The following LSAMP variants were observed in gnomAD, a reference collection of about 807,000 sequenced individuals.
LSAMP encodes the protein limbic system associated membrane protein.
In LSAMP, 7 loss-of-function variants were observed where a neutral mutation model predicts 38.6. That is an observed-to-expected ratio of 0.18 (90% CI 0.10 to 0.34). LSAMP has a LOEUF of 0.34. Among genes scored for constraint, LSAMP ranks in the 10% least tolerant of loss-of-function variants. The pLI is 1.00. For missense variants in LSAMP, 313 were observed against 420.0 expected (o/e 0.75, Z 2.23); for synonymous variants, 154 against 166.8 (o/e 0.92, Z 0.59).
At chr3:116,280,308 A>G (rs2047111729) in intron 1 of LSAMP, among the ~76,000 whole-genome samples, 1 of 152,222 alleles carries the variant, frequency 6.6e-6, no homozygotes, top group Non-Finnish European at 1.5e-5. Flanking sequence ...TGAGCAATGA[A>G]GCGTCTCAGG....
At chr3:116,241,158 C>T (rs1222345759) in intron 1 of LSAMP, among the ~76,000 whole-genome samples, 1 of 146,990 alleles carries the variant, frequency 6.8e-6, no homozygotes, top group Non-Finnish European at 1.5e-5. Context: ...GCCTGGGTAA[C>T]AAGTGTGAAA....
chr3:116,350,871 G>A (rs1255093714), intron 1 of LSAMP, among the ~76,000 whole-genome samples: 1 of 151,982 alleles, frequency 6.6e-6, no homozygotes, highest in Non-Finnish European at 1.5e-5. Context: ...ACTTTAAACT[G>A]TAAAAGTTAT....
At position 116,379,813 on chromosome 3, in the gene LSAMP, T is replaced by G. The variant is rs557296066; in HGVS notation, c.155+65064A>C. 3.3e-5 allele frequency among the ~76,000 whole-genome samples: 5 copies of G among 152,096 alleles called. No homozygotes were observed. The South Asian group carries it at 1.0e-3, about 32-fold the overall frequency. ...AACAAGCAAGAGAAATAGTCAGACA[T>G]GGATGACCTGATAAAAGACGCTTAC... On this transcript the variant is annotated intron_variant, in intron 1 of 6. Transcript: ENST00000490035.
At chr3:116,036,083 G>A (rs546208706) in intron 2 of LSAMP, among the ~76,000 whole-genome samples, 2 of 152,306 alleles carry the variant, frequency 1.3e-5, no homozygotes, top group African/African-American at 2.4e-5. Context: ...CAAGAAATAA[G>A]TCATGAGAAC....
intron 3 of LSAMP, among the ~76,000 whole-genome samples, chr3:115,881,069 T>TAAATAAATAAATAAAA (rs1288382993): frequency 1.4e-4 from 21 of 151,722 alleles, no homozygotes; most frequent in South Asian, 6.2e-4. Flanking sequence ...AATAAATAAA[T>TAAATAAATAAATAAAA]AAAATACTGT....
chr3:116,187,917 T>C (rs1710660029), intron 1 of LSAMP, among the ~76,000 whole-genome samples: 1 of 152,074 alleles, frequency 6.6e-6, no homozygotes, highest in South Asian at 2.1e-4. Flanking sequence ...TACCCATTAG[T>C]TATTTTTCCT....
chr3:115,961,104 G>A (rs116729682), intron 3 of LSAMP, among the ~76,000 whole-genome samples: 261 of 152,352 alleles, frequency 1.7e-3, no homozygotes, highest in African/African-American at 6.0e-3. Flanking sequence ...AGAGGCAAAT[G>A]CTATTTCAGA....
At chr3:116,092,586 T>C (rs951929923) in intron 1 of LSAMP, among the ~76,000 whole-genome samples, 2 of 152,164 alleles carry the variant, frequency 1.3e-5, no homozygotes, top group Non-Finnish European at 2.9e-5. Flanking sequence ...GTATATTTGA[T>C]TCCATAAAAC....
intron 1 of LSAMP, among the ~76,000 whole-genome samples, chr3:116,255,404 G>T (rs1338484018): frequency 6.6e-6 from 1 of 152,146 alleles, no homozygotes; most frequent in African/African-American, 2.4e-5. Flanking sequence ...AAAGTCTTTG[G>T]TTAGAGCAGA....
intron 3 of LSAMP, among the ~76,000 whole-genome samples, chr3:116,011,890 T>C (rs1940337534): frequency 6.6e-6 from 1 of 152,164 alleles, no homozygotes; most frequent in African/African-American, 2.4e-5. Context: ...TGGGTACATA[T>C]CTTGATTCAT....
intron 1 of LSAMP, among the ~76,000 whole-genome samples, chr3:116,139,203 C>A (rs1709319539): frequency 6.6e-6 from 1 of 151,804 alleles, no homozygotes; most frequent in South Asian, 2.1e-4. Flanking sequence ...AGTATCCTGA[C>A]TTTTACCAAG....
chr3:116,322,808 A>G (rs1300867721), intron 1 of LSAMP, among the ~76,000 whole-genome samples: 1 of 151,792 alleles, frequency 6.6e-6, no homozygotes, highest in Non-Finnish European at 1.5e-5. Flanking sequence ...TTCTTCCGCC[A>G]TCTTTTCCTT....
intron 2 of LSAMP, among the ~76,000 whole-genome samples, chr3:116,058,039 G>A (rs937745795): frequency 2.0e-5 from 3 of 151,788 alleles, no homozygotes; most frequent in Non-Finnish European, 4.4e-5. Flanking sequence ...ACAGTGGAAA[G>A]AAAATTCTAC....
intron 1 of LSAMP, among the ~76,000 whole-genome samples, chr3:116,333,795 AAATTT>A (rs2047884854): frequency 6.6e-6 from 1 of 151,962 alleles, no homozygotes; most frequent in Non-Finnish European, 1.5e-5. Context: ...ACGAACACTT[AAATTT>A]AAAAAATTAA....
chr3:116,334,776 G>A (rs1044442715), intron 1 of LSAMP, among the ~76,000 whole-genome samples: 12 of 152,106 alleles, frequency 7.9e-5, no homozygotes, highest in African/African-American at 2.9e-4. Flanking sequence ...AAAACACACA[G>A]CAAACATTAT....
At chr3:116,131,185 G>T (rs546857481) in intron 1 of LSAMP, among the ~76,000 whole-genome samples, 41 of 151,806 alleles carry the variant, frequency 2.7e-4, no homozygotes, top group South Asian at 1.2e-3. Context: ...TAGAGACAGG[G>T]TTTCACTGTA....
intron 1 of LSAMP, among the ~76,000 whole-genome samples, chr3:116,287,941 C>T (rs2047214374): frequency 6.6e-6 from 1 of 152,164 alleles, no homozygotes; most frequent in Admixed American, 6.5e-5. Context: ...ACTCAGGAAG[C>T]ATGATATTTC....
At chr3:115,888,415 AC>A (rs1936511386) in intron 3 of LSAMP, among the ~76,000 whole-genome samples, 1 of 151,816 alleles carries the variant, frequency 6.6e-6, no homozygotes, top group Admixed American at 6.6e-5. Context: ...GTTGTTAATT[AC>A]CTCTTTAACA....
In LSAMP at chr3:116,126,098, T is replaced by C. The variant is rs1352664668; in HGVS notation, c.156-39542A>G. ...TGGGAATAAACATAGTTTTGGACTT[T>C]AAATATGTTGATCCAAAGCTTCTAA... On this transcript the variant is annotated intron_variant, in intron 1 of 6. Coordinates refer to ENST00000490035, the MANE Select transcript of LSAMP (RefSeq NM_002338.5). Among the ~76,000 whole-genome samples, 6 of 152,230 alleles carry C rather than the reference T, an allele frequency of 3.9e-5. 1 individual carries two copies. In the South Asian group the frequency reaches 1.0e-3, roughly 26 times the overall value.
Sources: allele counts gnomAD v4.1 joint callset (sites outside exome capture counted in the v4.1 genomes callset), GRCh38; gene constraint gnomAD v4.1.1; transcripts MANE v1.5; gene names NCBI Gene and HGNC (gene_info 2026-07-23, HGNC 2026-07-21).